The following ABCA1 variants were observed in gnomAD, a reference collection of about 807,000 sequenced individuals.
ABCA1 encodes ATP binding cassette subfamily A member 1, also known as phospholipid-transporting ATPase ABCA1.
In ABCA1, 133 loss-of-function variants were observed where a neutral mutation model predicts 262.5. The ratio of observed to expected loss-of-function variants is 0.51; its 90% CI spans 0.44 to 0.59. The LOEUF (loss-of-function observed/expected upper bound fraction) is 0.59, where lower values mean the gene tolerates loss of function less well. ABCA1 is among the 20% of genes least tolerant of loss of function. The probability of loss-of-function intolerance (pLI) is 0.00; values close to 1 mark genes in which losing one functional copy is unlikely to be tolerated. For missense variants in ABCA1, 2,452 were observed against 2,777.5 expected (o/e 0.88, Z 2.63); for synonymous variants, 1,022 against 1,043.5 (o/e 0.98, Z 0.40).
chr9:104,819,773 A>G, intron 21 of ABCA1, 50 bp from the exon 22 acceptor site: 3 of 1,613,854 alleles, frequency 1.9e-6, no homozygotes, highest in Non-Finnish European at 2.5e-6. Context: ...CCAGACAGTG[A>G]GTGAAGGCAG....
Position 104,831,820 on chromosome 9 carries a change from T to C in ABCA1, c.1517A>G (p.Asn506Ser), listed in dbSNP as rs780846927. Reference protein sequence around the residue: ...RTISRFMECVNLNKLEPIATE... With the variant: ...RTISRFMECVSLNKLEPIATE... Reference sequence around the variant, plus strand: ...TGCTATGGGTTCTAGCTTGTTCAGGTTGACACACTGATAGAAGAACAGCCT... The same window carrying C: ...TGCTATGGGTTCTAGCTTGTTCAGGCTGACACACTGATAGAAGAACAGCCT... Residue 506 changes from asparagine (N) to serine (S), a missense_variant, in exon 13 of 50, where the codon AAC (asparagine) becomes AGC (serine). By Grantham distance (46) the Asn-to-Ser change is conservative. Around this residue, in one of 4 missense-constraint regions of ABCA1, gnomAD observed 1,032 missense variants for 1,089.7 expected, o/e 0.95. Coordinates refer to ENST00000374736, the MANE Select transcript of ABCA1 (RefSeq NM_005502.4). 18 of 1,614,044 alleles carry C rather than the reference T, an allele frequency of 1.1e-5. No homozygotes were observed. Among genetic ancestry groups the C allele is most frequent in the Non-Finnish European group, 4.2e-6 (5 of 1,180,028 alleles).
chr9:104,860,018 C>T (rs558165152), intron 6 of ABCA1, among the ~76,000 whole-genome samples: 14 of 147,276 alleles, frequency 9.5e-5, no homozygotes, highest in Non-Finnish European at 1.8e-4. Context: ...CACGCCACTG[C>T]ACTCCAGCCT....
chr9:104,862,560 G>A (rs923819209), intron 5 of ABCA1, among the ~76,000 whole-genome samples: 1 of 151,402 alleles, frequency 6.6e-6, no homozygotes, highest in Admixed American at 6.6e-5. Context: ...CCTGTTTAAT[G>A]CAAAACAAGC....
At chr9:104,827,265 A>C in intron 15 of ABCA1, 96 bp from the exon 16 acceptor site, 8 of 1,037,064 alleles carry the variant, frequency 7.7e-6, no homozygotes, top group Non-Finnish European at 1.2e-5. Context: ...ATTCCTACTC[A>C]TGTTAGAGAC....
At chr9:104,809,423 C>A (rs776415595) in intron 30 of ABCA1, 43 bp downstream of exon 30, 7 of 1,576,210 alleles carry the variant, frequency 4.4e-6, no homozygotes, top group Non-Finnish European at 6.1e-6. Context: ...TCAAACCAGG[C>A]AACAAGCACA....
rs192971471 is a variant in ABCA1, at chr9:104,784,791, G to A, written c.6646-336C>T. 1.1e-3 allele frequency among the ~76,000 whole-genome samples: 165 copies of A among 152,160 alleles called. 1 individual carries two copies. Among genetic ancestry groups the A allele is most frequent in the African/African-American group, 3.8e-3 (158 of 41,514 alleles). ...CGCAAGTAGCTGGGACTACAAGTGC[G>A]CACCACCATGCCCAGCTAATTTTTG... On this transcript the variant is annotated intron_variant, in intron 49 of 49. Transcript: ENST00000374736.
intron 29 of ABCA1, 150 bp from the exon 30 acceptor site, chr9:104,809,714 G>A (rs1402888616): frequency 2.6e-6 from 2 of 777,922 alleles, no homozygotes; most frequent in African/African-American, 3.5e-5. Context: ...AAACCACCCA[G>A]AAGGATCTCA....
chr9:104,828,302 CT>C lies in ABCA1; in HGVS notation c.2115+613del, dbSNP rs372090104. 5.3e-5 allele frequency among the ~76,000 whole-genome samples: 8 copies of C among 152,262 alleles called. No homozygotes were observed. The South Asian group carries it at 1.7e-3, about 32-fold the overall frequency. On this transcript the variant is annotated intron_variant, in intron 15 of 49. Transcript: ENST00000374736. ...AGGTAGGTGGTGTCAGGAGGGAGGC[CT>C]TGGGGGAGCACAAAGGGCTGGATGT...
At chr9:104,923,542 G>A (rs1019539136) in intron 1 of ABCA1, among the ~76,000 whole-genome samples, 2 of 152,246 alleles carry the variant, frequency 1.3e-5, no homozygotes, top group African/African-American at 4.8e-5. Context: ...GATTATAGCA[G>A]ATGAATGTAG....
In ABCA1 at chr9:104,883,039, T is replaced by C. The variant is rs748252360; in HGVS notation, c.421A>G (p.Asn141Asp). The stretch of plus-strand genomic sequence containing the variant: ...GGATGCAGAGAAGGTTTTTACTTAC[T>C]TGAGCTGGATTTCTTGATCTGCTGT... ...TLQQIKKSSS[N>D]LKLQDFLVDN... Residue 141 changes from asparagine to aspartate, a missense_variant and splice_region_variant, in exon 5 of 50, where the codon AAC becomes GAC. Asn to Asp is a conservative substitution (Grantham distance 23). Transcript: ENST00000374736. 6 of 1,611,898 alleles carry C rather than the reference T, an allele frequency of 3.7e-6. No homozygotes were observed. Among genetic ancestry groups the C allele is most frequent in the Non-Finnish European group, 5.1e-6 (6 of 1,178,040 alleles).
At chr9:104,837,709 C>G in intron 9 of ABCA1, 142 bp from the exon 10 acceptor site, 2 of 954,708 alleles carry the variant, frequency 2.1e-6, no homozygotes, top group Non-Finnish European at 3.2e-6. Flanking sequence ...TTATCTGAGC[C>G]TCAGTTGGCT....
At chr9:104,852,931 G>A (rs1054389892) in intron 7 of ABCA1, among the ~76,000 whole-genome samples, 11 of 152,198 alleles carry the variant, frequency 7.2e-5, no homozygotes, top group African/African-American at 2.2e-4. Context: ...CCATGAGGCT[G>A]AAGGTAACAA....
chr9:104,831,856 G>A (rs771062503), intron 12 of ABCA1, 29 bp from the exon 13 acceptor site: 17 of 1,609,522 alleles, frequency 1.1e-5, no homozygotes, highest in African/African-American at 8.0e-5. Flanking sequence ...TCATGAGAAC[G>A]TTGGCAGCCA....
rs1564109658 is a variant in ABCA1, at chr9:104,809,574, C to T, written c.4176-10G>A. ...CTCAGGAGCATCATTGCTGTGGGTA[C>T]ATGAGAGGCAGCCAGCTTAGTAATT... On this transcript the variant is annotated splice_polypyrimidine_tract_variant and intron_variant, in intron 29 of 49. Coordinates refer to ENST00000374736, the MANE Select transcript of ABCA1 (RefSeq NM_005502.4). 1.9e-6 allele frequency: 3 copies of T among 1,609,978 alleles called. No homozygotes were observed. The highest frequency in any genetic ancestry group is 1.3e-5 in the African/African-American group (1 of 74,842).
chr9:104,903,528 TTCCCTCCC>T, intron 2 of ABCA1, 78 bp downstream of exon 2: 1 of 1,357,812 alleles, frequency 7.4e-7, no homozygotes, highest in Non-Finnish European at 1.0e-6. Context: ...CACAGCTTCC[TTCCCTCCC>T]TCCCTCCTCC....
rs34544647 is a variant in ABCA1, at chr9:104,893,421, C to CAAAAAAAAAAAAAAAAA, written c.67-4243_67-4227dup. ...TGGGCAACAGAGTGAGACTTCACCT[C>CAAAAAAAAAAAAAAAAA]AAAAAAAAAAAAAAAAAAAAAAAAA... On this transcript the variant is annotated intron_variant, in intron 2 of 49. Transcript: ENST00000374736. 1.9e-3 allele frequency among the ~76,000 whole-genome samples: 67 copies of CAAAAAAAAAAAAAAAAA among 35,228 alleles called. 1 individual carries two copies. Among genetic ancestry groups the CAAAAAAAAAAAAAAAAA allele is most frequent in the East Asian group, 4.0e-3 (3 of 748 alleles). The allele number at this position is 35,228 out of a possible 152,430, so 23.1% of individuals were successfully genotyped here. A position where few individuals can be genotyped will look rare whatever the true frequency, so the allele number is the denominator to read the frequency against.
Position 104,802,055 on chromosome 9 carries a change from T to C in ABCA1, c.4697A>G (p.Lys1566Arg). 6.2e-7 allele frequency: 1 copy of C among 1,614,100 alleles called. No homozygotes were observed. The highest frequency in any genetic ancestry group is 8.5e-7 in the Non-Finnish European group (1 of 1,179,936). The change falls in exon 34 of 50, where the codon AAG (lysine) becomes AGG (arginine). Residue 1566 changes from lysine to arginine, a missense_variant and splice_region_variant. Transcript: ENST00000374736. Reference protein sequence around the residue: ...KQMKKHLKLAKDSSADRFLNS... With the variant: ...KQMKKHLKLARDSSADRFLNS... ...TACATCTTACGATAGATATTTTACC[T>C]TGGCCAGCTTTAGGTGTTTCTTCAT...
intron 13 of ABCA1, 123 bp downstream of exon 13, chr9:104,831,499 G>GT: frequency 1.2e-6 from 1 of 837,960 alleles, no homozygotes; most frequent in Non-Finnish European, 1.8e-6. Flanking sequence ...ACCAAGTTGA[G>GT]TTTTTTTGTT....
intron 47 of ABCA1, 119 bp from the exon 48 acceptor site, chr9:104,786,509 T>C (rs941894489): frequency 4.5e-6 from 4 of 896,782 alleles, no homozygotes; most frequent in Admixed American, 3.6e-5. Flanking sequence ...CAAGTACATG[T>C]GGATATAGGG....
Sources: gnomAD v4.1 joint callset for allele counts (sites outside exome capture counted in the v4.1 genomes callset) on GRCh38, gnomAD v4.1.1 for gene constraint, gnomAD v4.1.1 regional missense constraint, MANE v1.5 for transcripts, NCBI Gene and HGNC (gene_info 2026-07-23, HGNC 2026-07-21) for gene names.